The following NREP variants were observed in gnomAD, a reference collection of about 807,000 sequenced individuals.
The protein encoded by NREP is neuronal regeneration-related protein.
Under a neutral mutation model 8.6 loss-of-function variants are expected in NREP, and 5 were observed. The ratio of observed to expected loss-of-function variants is 0.58; its 90% CI spans 0.30 to 1.22. The LOEUF (loss-of-function observed/expected upper bound fraction) is 1.22, where lower values mean the gene tolerates loss of function less well. NREP is among the 50% of genes most tolerant of loss of function. The pLI is 0.07. For missense variants in NREP, 86 were observed against 82.5 expected (o/e 1.04, Z -0.17); for synonymous variants, 27 against 28.0 (o/e 0.96, Z 0.11).
At position 111,730,483 on chromosome 5, in the gene NREP, C is replaced by T. The variant is rs1289728820; in HGVS notation, c.*438G>A. ...TACATGGATAAAATATAGAGATATACAGACAATTGATGAACATAAACTACT... is the reference window on the plus strand; with the variant it reads ...TACATGGATAAAATATAGAGATATATAGACAATTGATGAACATAAACTACT... On this transcript the variant is annotated 3_prime_UTR_variant, in exon 4 of 4. Coordinates refer to ENST00000257435, the MANE Select transcript of NREP (RefSeq NM_004772.4). The T allele has an allele frequency of 1.3e-5, 2 of 153,212 alleles. No homozygotes were observed. The highest frequency in any genetic ancestry group is 5.0e-5 in the African/African-American group (2 of 40,360). The allele number at this position is 153,212 out of a possible 1,614,324, so 9.5% of individuals were successfully genotyped here.
At chr5:111,845,477 T>G (rs187868367) in intron 2 of NREP, among the ~76,000 whole-genome samples, 18 of 152,262 alleles carry the variant, frequency 1.2e-4, no homozygotes, top group Admixed American at 9.8e-4. Context: ...TAATTGAGAT[T>G]TAAATGGTTA....
chr5:111,914,929 C>G (rs6898959), intron 2 of NREP, among the ~76,000 whole-genome samples: 1 of 151,868 alleles, frequency 6.6e-6, no homozygotes, highest in African/African-American at 2.4e-5. Flanking sequence ...AAATCTTGCT[C>G]TTCTTTTTTA....
chr5:111,770,723 C>A (rs1027939775), intron 2 of NREP, among the ~76,000 whole-genome samples: 2 of 151,730 alleles, frequency 1.3e-5, no homozygotes, highest in East Asian at 3.9e-4. Flanking sequence ...ATGCGCGCCA[C>A]CATGCCCAGC....
At chr5:111,886,833 G>A (rs1445220198) in intron 2 of NREP, among the ~76,000 whole-genome samples, 3 of 151,268 alleles carry the variant, frequency 2.0e-5, no homozygotes, top group African/African-American at 4.9e-5. Flanking sequence ...GGGGTTGGGG[G>A]ACGGGGGAGG....
intron 2 of NREP, among the ~76,000 whole-genome samples, chr5:111,827,544 G>A (rs569708795): frequency 6.6e-6 from 1 of 152,308 alleles, no homozygotes; most frequent in South Asian, 2.1e-4. Flanking sequence ...TTGCCCTTCA[G>A]ATTGAATAAA....
At chr5:111,749,552 G>A (rs1001564203) in intron 2 of NREP, among the ~76,000 whole-genome samples, 1 of 152,114 alleles carries the variant, frequency 6.6e-6, no homozygotes, top group Non-Finnish European at 1.5e-5. Context: ...GCCTCAAATT[G>A]TAAACAATTT....
At chr5:111,789,968 C>T (rs1191779140) in intron 2 of NREP, among the ~76,000 whole-genome samples, 2 of 151,698 alleles carry the variant, frequency 1.3e-5, no homozygotes, top group Non-Finnish European at 2.9e-5. Context: ...AAAATACAAA[C>T]AAAATTGAAA....
chr5:111,809,223 A>G (rs1402780173), intron 2 of NREP, among the ~76,000 whole-genome samples: 1 of 152,204 alleles, frequency 6.6e-6, no homozygotes, highest in Non-Finnish European at 1.5e-5. Flanking sequence ...ACCTTATTTT[A>G]GATTTATATG....
intron 2 of NREP, among the ~76,000 whole-genome samples, chr5:111,900,039 A>T (rs1053487146): frequency 5.3e-5 from 8 of 152,164 alleles, no homozygotes; most frequent in African/African-American, 1.9e-4. Context: ...TAGACCATAT[A>T]TTAGGACACA....
intron 2 of NREP, among the ~76,000 whole-genome samples, chr5:111,954,237 A>G (rs1005870000): frequency 5.9e-5 from 9 of 152,136 alleles, no homozygotes; most frequent in African/African-American, 2.2e-4. Context: ...GGGATTTTAT[A>G]TTTTATGCCC....
chr5:111,955,442 C>T (rs1335874475), intron 2 of NREP, among the ~76,000 whole-genome samples: 1 of 148,938 alleles, frequency 6.7e-6, no homozygotes, highest in African/African-American at 2.5e-5. Context: ...ACAAATTTGG[C>T]CATAAACTAC....
chr5:111,871,791 G>A (rs2112497374), intron 2 of NREP, among the ~76,000 whole-genome samples: 1 of 150,248 alleles, frequency 6.7e-6, no homozygotes, highest in East Asian at 1.9e-4. Context: ...ATAATCTTAT[G>A]GCACCACTGT....
intron 2 of NREP, among the ~76,000 whole-genome samples, chr5:111,946,014 C>A (rs1172457821): frequency 6.6e-6 from 1 of 151,404 alleles, no homozygotes; most frequent in Non-Finnish European, 1.5e-5. Context: ...AGCATGTGAG[C>A]CCTACCTGAC....
At chr5:111,753,094 A>C (rs1303828437) in intron 2 of NREP, among the ~76,000 whole-genome samples, 3 of 151,822 alleles carry the variant, frequency 2.0e-5, no homozygotes, top group African/African-American at 7.2e-5. Context: ...TGGGAGAGGC[A>C]TATTTACTAG....
intron 2 of NREP, among the ~76,000 whole-genome samples, chr5:111,922,167 G>T (rs1365790967): frequency 6.6e-6 from 1 of 152,182 alleles, no homozygotes; most frequent in Admixed American, 6.5e-5. Flanking sequence ...AAGGAGAGTA[G>T]TCCAGGGGAG....
In NREP at chr5:111,729,332, A is replaced by G. The variant is rs771049734; in HGVS notation, c.*1589T>C. ...CTTACAGCTTGCGTATTTATTGAAC[A>G]AATACTACTAAAATAGCTAAAATAC... On this transcript the variant is annotated 3_prime_UTR_variant, in exon 4 of 4. Coordinates refer to ENST00000257435, the MANE Select transcript of NREP (RefSeq NM_004772.4). 14 of 152,314 alleles carry G rather than the reference A, an allele frequency of 9.2e-5. No individual in the cohort carries two copies. The highest frequency in any genetic ancestry group is 6.8e-3 in the Middle Eastern group (2 of 294). The allele number at this position is 152,314 out of a possible 1,614,324, so 9.4% of individuals were successfully genotyped here.
rs185174239 is a variant in NREP, at chr5:111,812,387, T to C, written c.136-76880A>G. On this transcript the variant is annotated intron_variant, in intron 2 of 3. Transcript: ENST00000395634. ...ACATTTACTTTGACCTAAGCAAAGA[T>C]CATGAAGTATTATCTTTGAAAACCA... Among the ~76,000 whole-genome samples the C allele has an allele frequency of 1.2e-4, 18 of 152,320 alleles. No individual in the cohort carries two copies. In the East Asian group the frequency reaches 3.3e-3, roughly 28 times the overall value.
At chr5:111,886,252 C>T (rs1235053647) in intron 2 of NREP, among the ~76,000 whole-genome samples, 1 of 152,200 alleles carries the variant, frequency 6.6e-6, no homozygotes, top group Non-Finnish European at 1.5e-5. Context: ...CAAAGAAGTG[C>T]AAATCAAAAC....
chr5:111,967,642 T>A (rs1379289093), intron 2 of NREP, among the ~76,000 whole-genome samples: 1 of 152,082 alleles, frequency 6.6e-6, no homozygotes, highest in Non-Finnish European at 1.5e-5. Context: ...CCCCGCCCTG[T>A]CTGGGAAGTG....
Sources: gnomAD v4.1 joint callset for allele counts (sites outside exome capture counted in the v4.1 genomes callset) on GRCh38, gnomAD v4.1.1 for gene constraint, MANE v1.5 for transcripts, NCBI Gene and HGNC (gene_info 2026-07-23, HGNC 2026-07-21) for gene names.